Variants in MAP3K7 observed in about 807,000 individuals in gnomAD.
MAP3K7 encodes mitogen-activated protein kinase kinase kinase 7.
A neutral mutation model predicts 84.8 loss-of-function variants in MAP3K7; 21 were observed. The observed-to-expected ratio is 0.25, with a 90% confidence interval of 0.18 to 0.36. MAP3K7 has a LOEUF of 0.36. Ranked by LOEUF, MAP3K7 falls within the 10% of genes least tolerant of loss-of-function variation. The pLI is 1.00. For synonymous variants in MAP3K7, 241 were observed against 247.7 expected (o/e 0.97, Z 0.25); for missense variants, 503 against 747.7 (o/e 0.67, Z 3.82).
intron 1 of MAP3K7, among the ~76,000 whole-genome samples, chr6:90,585,543 G>C (rs1163894233): frequency 6.6e-6 from 1 of 151,436 alleles, no homozygotes; most frequent in African/African-American, 2.5e-5. Flanking sequence ...CAAATAAATG[G>C]TAAGAGATAG....
At chr6:90,562,638 C>T (rs1776563855) in intron 3 of MAP3K7, among the ~76,000 whole-genome samples, 1 of 152,216 alleles carries the variant, frequency 6.6e-6, no homozygotes, top group Admixed American at 6.5e-5. Flanking sequence ...GTAGACTCCA[C>T]CTCTGGGGGC....
At chr6:90,534,433 G>T (rs892815897) in intron 13 of MAP3K7, among the ~76,000 whole-genome samples, 1 of 151,986 alleles carries the variant, frequency 6.6e-6, no homozygotes, top group African/African-American at 2.4e-5. Flanking sequence ...TTTAAAATGT[G>T]GCTACACAAT....
At position 90,576,419 on chromosome 6, in the gene MAP3K7, T is replaced by TCTCACA. The variant is rs1258151898; in HGVS notation, c.121-4613_121-4612insTGTGAG. The stretch of plus-strand genomic sequence containing the variant: ...GCCTGGGCAACAGAGCTAGACTCTG[T>TCTCACA]CACACACACACACACACACACACAC... On this transcript the variant is annotated intron_variant, in intron 1 of 16. Coordinates refer to ENST00000369329, the MANE Select transcript of MAP3K7 (RefSeq NM_145331.3). 3.7e-3 allele frequency among the ~76,000 whole-genome samples: 512 copies of TCTCACA among 136,952 alleles called. 7 individuals carry two copies. Among genetic ancestry groups the TCTCACA allele is most frequent in the South Asian group, 6.9e-3 (28 of 4,036 alleles). The allele number at this position is 136,952 out of a possible 152,430, so 89.8% of individuals were successfully genotyped here.
intron 9 of MAP3K7, among the ~76,000 whole-genome samples, chr6:90,549,521 C>T (rs1776113751): frequency 6.6e-6 from 1 of 151,848 alleles, no homozygotes; most frequent in African/African-American, 2.4e-5. Context: ...GAGAGAGAGG[C>T]TAGAAAGATG....
intron 1 of MAP3K7, among the ~76,000 whole-genome samples, chr6:90,575,957 G>T (rs1246478979): frequency 6.6e-6 from 1 of 152,170 alleles, no homozygotes; most frequent in Non-Finnish European, 1.5e-5. Flanking sequence ...TCTAGCGTAT[G>T]TGAAGGGAGG....
At chr6:90,537,038 T>A (rs772679629) in intron 12 of MAP3K7, 1 of 152,076 alleles carries the variant, frequency 6.6e-6, no homozygotes, top group Non-Finnish European at 1.5e-5. Context: ...TTGTGTTAAT[T>A]CTGCTTTAGA....
chr6:90,513,827 A>AGGAACATG lies in MAP3K7; in HGVS notation c.*2666_*2673dup, dbSNP rs1047130926. 6.6e-6 allele frequency: 1 copy of AGGAACATG among 152,138 alleles called. No individual in the cohort carries two copies. The highest frequency in any genetic ancestry group is 1.5e-5 in the Non-Finnish European group (1 of 68,002). The allele number at this position is 152,138 out of a possible 1,614,324, so 9.4% of individuals were successfully genotyped here. On this transcript the variant is annotated 3_prime_UTR_variant, in exon 17 of 17. Transcript: ENST00000369329. ...ATCTCTGGCTACAGGAGCTGAAATT[A>AGGAACATG]GGAACATGAAAGAAACTTGAAGAGA...
intron 1 of MAP3K7, among the ~76,000 whole-genome samples, chr6:90,577,668 A>G (rs1342494922): frequency 2.0e-5 from 3 of 152,362 alleles, no homozygotes; most frequent in East Asian, 1.9e-4. Flanking sequence ...GAAAGCAGAT[A>G]TAAGGACAGT....
At chr6:90,543,933 A>G (rs1390948871) in intron 12 of MAP3K7, among the ~76,000 whole-genome samples, 2 of 152,276 alleles carry the variant, frequency 1.3e-5, no homozygotes, top group East Asian at 3.9e-4. Flanking sequence ...GTATAAAAAC[A>G]TGTAATTTAT....
At chr6:90,550,588 T>A in intron 8 of MAP3K7, 39 bp from the exon 9 acceptor site, 1 of 1,254,906 alleles carries the variant, frequency 8.0e-7, no homozygotes, top group Non-Finnish European at 1.2e-6. Context: ...AAAATTTCCT[T>A]AATACAAATT....
intron 12 of MAP3K7, 42 bp from the exon 13 acceptor site, chr6:90,536,443 A>C: frequency 6.8e-7 from 1 of 1,473,628 alleles, no homozygotes; most frequent in Non-Finnish European, 9.5e-7. Context: ...AAATCTAGTC[A>C]AACAGACAAA....
chr6:90,586,410 G>T (rs919963749), intron 1 of MAP3K7, among the ~76,000 whole-genome samples: 4 of 148,640 alleles, frequency 2.7e-5, no homozygotes, highest in South Asian at 2.1e-4. Context: ...AGAACATTAC[G>T]TCCAGCGGAC....
chr6:90,535,019 T>C (rs988169528), intron 13 of MAP3K7, among the ~76,000 whole-genome samples: 8 of 152,086 alleles, frequency 5.3e-5, no homozygotes, highest in Non-Finnish European at 1.0e-4. Context: ...ACAGATGCAC[T>C]GAAAAAAACT....
At chr6:90,552,284 T>A in intron 7 of MAP3K7, 105 bp from the exon 8 acceptor site, 2 of 1,051,638 alleles carry the variant, frequency 1.9e-6, no homozygotes, top group Non-Finnish European at 2.7e-6. Flanking sequence ...ATAGATCTTG[T>A]AGTTTAAGAT....
intron 13 of MAP3K7, among the ~76,000 whole-genome samples, chr6:90,531,126 G>A (rs549455256): frequency 6.6e-6 from 1 of 152,240 alleles, no homozygotes; most frequent in African/African-American, 2.4e-5. Flanking sequence ...AACCTCAGGG[G>A]CAGATTACCA....
rs157428 is a variant in MAP3K7 at position 90,568,763 on chromosome 6, C to T, written c.232-140G>A. On this transcript the variant is annotated intron_variant, in intron 2 of 16. Transcript: ENST00000369329. ...ACTATTTACTATGTAACAGGCATTG[C>T]AATCATAGTCACTGAAAATACCAAG... 0.98 allele frequency: 585,642 copies of T among 599,584 alleles called. 286,086 individuals are homozygous for T. The highest frequency in any genetic ancestry group is 1 in the East Asian group (33,704 of 33,704). The allele number at this position is 599,584 out of a possible 1,614,324, so 37.1% of individuals were successfully genotyped here.
intron 13 of MAP3K7, among the ~76,000 whole-genome samples, chr6:90,535,873 C>G (rs1775653120): frequency 6.6e-6 from 1 of 152,040 alleles, no homozygotes. Context: ...AATATTAATC[C>G]AGTGGATATG....
At chr6:90,552,992 G>A (rs372308215) in intron 7 of MAP3K7, among the ~76,000 whole-genome samples, 1 of 152,168 alleles carries the variant, frequency 6.6e-6, no homozygotes, top group Non-Finnish European at 1.5e-5. Flanking sequence ...CTAAGGGTGG[G>A]TGAGAATATA....
At chr6:90,545,619 C>T (rs1358085217) in intron 11 of MAP3K7, among the ~76,000 whole-genome samples, 4 of 152,094 alleles carry the variant, frequency 2.6e-5, no homozygotes, top group Non-Finnish European at 1.5e-5. Context: ...ATACTTGTGA[C>T]TCATGGAGAC....
Sources: gnomAD v4.1 joint callset for allele counts (sites outside exome capture counted in the v4.1 genomes callset) on GRCh38, gnomAD v4.1.1 for gene constraint, MANE v1.5 for transcripts, NCBI Gene and HGNC (gene_info 2026-07-23, HGNC 2026-07-21) for gene names.